ZFHX3: variants seen among roughly 807,000 people sequenced by gnomAD.
ZFHX3 encodes zinc finger homeobox 3, also known as zinc finger homeobox protein 3.
ZFHX3 carries 42 observed loss-of-function variants against 279.1 expected under a neutral mutation model. That is an observed-to-expected ratio of 0.15 (90% confidence interval 0.12 to 0.19). ZFHX3 has a LOEUF of 0.19. ZFHX3 is among the 10% of genes least tolerant of loss of function. The pLI is 1.00. For synonymous variants in ZFHX3, 2,293 were observed against 1,957.8 expected (o/e 1.17, Z -4.52); for missense variants, 4,981 against 4,754.0 (o/e 1.05, Z -1.40).
chr16:72,954,644 C>T (rs770894802), intron 2 of ZFHX3, among the ~76,000 whole-genome samples: 6 of 152,252 alleles, frequency 3.9e-5, no homozygotes, highest in African/African-American at 9.6e-5. Context: ...ACAGCCACCC[C>T]GACAAGCAAC....
intron 3 of ZFHX3, among the ~76,000 whole-genome samples, chr16:72,935,679 A>T (rs1213027438): frequency 1.3e-5 from 2 of 151,420 alleles, no homozygotes; most frequent in African/African-American, 2.4e-5. Context: ...GGTTGCAGTG[A>T]GCTGAGATCA....
chr16:72,873,640 A>G (rs997248884), intron 4 of ZFHX3, among the ~76,000 whole-genome samples: 6 of 152,118 alleles, frequency 3.9e-5, no homozygotes, highest in African/African-American at 1.2e-4. Context: ...AAGTTCGCCA[A>G]TTTTTTTCTG....
intron 1 of ZFHX3, among the ~76,000 whole-genome samples, chr16:73,868,292 G>T (rs144116345): frequency 9.5e-4 from 145 of 152,318 alleles, no homozygotes; most frequent in Middle Eastern, 3.4e-3. Context: ...GGAGGCCAAG[G>T]CAGGCGATCA....
At chr16:73,873,583 A>T (rs2029876314) in intron 1 of ZFHX3, among the ~76,000 whole-genome samples, 1 of 151,184 alleles carries the variant, frequency 6.6e-6, no homozygotes, top group Non-Finnish European at 1.5e-5. Context: ...GAGAAAAAAA[A>T]CATATTTACC....
chr16:72,981,035 T>G (rs938815822), intron 1 of ZFHX3, among the ~76,000 whole-genome samples: 5 of 152,132 alleles, frequency 3.3e-5, no homozygotes, highest in African/African-American at 1.2e-4. Flanking sequence ...AGAGATTCAG[T>G]CTTGAGTCAA....
intron 4 of ZFHX3, among the ~76,000 whole-genome samples, chr16:72,875,892 A>G (rs2038298069): frequency 6.6e-6 from 1 of 152,160 alleles, no homozygotes; most frequent in Non-Finnish European, 1.5e-5. Flanking sequence ...ACAGCCCTGG[A>G]AGAGAGGGGA....
intron 1 of ZFHX3, among the ~76,000 whole-genome samples, chr16:73,682,904 A>AAAAGAAAGAGAAAGAAAGAAAG (rs2053031038): frequency 1.8e-4 from 8 of 44,762 alleles, no homozygotes; most frequent in African/African-American, 6.8e-4. Flanking sequence ...GAAAGAAAGA[A>AAAAGAAAGAGAAAGAAAGAAAG]AGAGAAAGAA....
chr16:73,006,782 A>G (rs1260179260), intron 1 of ZFHX3, among the ~76,000 whole-genome samples: 1 of 152,152 alleles, frequency 6.6e-6, no homozygotes, highest in Non-Finnish European at 1.5e-5. Context: ...AGATCCCGAA[A>G]ATCTGAGGAT....
chr16:73,512,964 G>A (rs948199178), intron 2 of ZFHX3, among the ~76,000 whole-genome samples: 3 of 152,186 alleles, frequency 2.0e-5, no homozygotes, highest in Non-Finnish European at 2.9e-5. Context: ...CTGTAGATCA[G>A]GGTGGACAAA....
intron 1 of ZFHX3, among the ~76,000 whole-genome samples, chr16:73,719,637 A>G (rs2053454285): frequency 2.0e-5 from 3 of 152,092 alleles, no homozygotes; most frequent in Admixed American, 6.5e-5. Context: ...TCATTTATTT[A>G]TTTTTTTATT....
chr16:72,846,073 C>T (rs570783511), intron 4 of ZFHX3, among the ~76,000 whole-genome samples: 11 of 152,284 alleles, frequency 7.2e-5, no homozygotes, highest in South Asian at 2.1e-4. Flanking sequence ...ATTGACAACA[C>T]GGCTGTGAAC....
intron 8 of ZFHX3, chr16:73,093,152 C>T (rs760608220): frequency 1.9e-5 from 10 of 520,008 alleles, no homozygotes; most frequent in South Asian, 5.6e-5. Context: ...CTGCAAACCA[C>T]GAGCCCTCAC....
At chr16:73,715,127 C>T (rs112094177) in intron 1 of ZFHX3, among the ~76,000 whole-genome samples, 19 of 152,278 alleles carry the variant, frequency 1.2e-4, no homozygotes, top group African/African-American at 4.6e-4. Context: ...GTACTTGTGT[C>T]ACATGATGGT....
At chr16:72,982,041 C>G (rs1962626291) in intron 1 of ZFHX3, among the ~76,000 whole-genome samples, 1 of 152,026 alleles carries the variant, frequency 6.6e-6, no homozygotes, top group South Asian at 2.1e-4. Context: ...TACCACCATG[C>G]CCGGCTAATT....
At chr16:73,614,863 G>A (rs1381915833) in intron 2 of ZFHX3, among the ~76,000 whole-genome samples, 2 of 152,038 alleles carry the variant, frequency 1.3e-5, no homozygotes, top group African/African-American at 2.4e-5. Context: ...AGGCTCAGAT[G>A]ATCCTCCCTC....
intron 2 of ZFHX3, among the ~76,000 whole-genome samples, chr16:73,664,330 C>G (rs911813188): frequency 1.3e-5 from 2 of 152,170 alleles, no homozygotes; most frequent in African/African-American, 4.8e-5. Context: ...AATGGAGAAA[C>G]TGGGCTTTGA....
intron 3 of ZFHX3, among the ~76,000 whole-genome samples, chr16:72,937,463 T>C (rs1369137900): frequency 8.5e-5 from 13 of 152,220 alleles, no homozygotes; most frequent in Admixed American, 3.3e-4. Context: ...CGACCTGTCC[T>C]ACTAGTGGTG....
rs1265094872 is a variant in ZFHX3, at chr16:73,486,648, A to T, written c.-1546-30390T>A. On this transcript the variant is annotated intron_variant, in intron 2 of 17. Transcript: ENST00000641206. ...TATTCCAAACACCAAAATTAACTGG[A>T]TAGTGCTGGGATTAGAGGTGTGATG... 16 of 354,148 alleles carry T rather than the reference A, an allele frequency of 4.5e-5. No individual in the cohort carries two copies. The Admixed American group carries it at 5.3e-4, about 12-fold the overall frequency. The allele number at this position is 354,148 out of a possible 1,614,324, so 21.9% of individuals were successfully genotyped here. A position where few individuals can be genotyped will look rare whatever the true frequency, so the allele number is the denominator to read the frequency against.
intron 3 of ZFHX3, among the ~76,000 whole-genome samples, chr16:73,410,767 A>G (rs750244253): frequency 6.6e-6 from 1 of 152,220 alleles, no homozygotes; most frequent in Non-Finnish European, 1.5e-5. Flanking sequence ...ATTCCTAAGA[A>G]TGAAGAATCA....
Sources: gnomAD v4.1 joint callset for allele counts (sites outside exome capture counted in the v4.1 genomes callset) on GRCh38, gnomAD v4.1.1 for gene constraint, MANE v1.5 for transcripts, NCBI Gene and HGNC (gene_info 2026-07-23, HGNC 2026-07-21) for gene names.